The following ZNF69 variants were observed in gnomAD, a reference collection of about 807,000 sequenced individuals.
The protein encoded by ZNF69 is ZNF3.
Under a neutral mutation model 50.9 loss-of-function variants are expected in ZNF69, and 47 were observed. That is an observed-to-expected ratio of 0.92 (90% CI 0.73 to 1.18). The LOEUF (loss-of-function observed/expected upper bound fraction) is 1.18, where lower values mean the gene tolerates loss of function less well. Ranked by LOEUF, ZNF69 falls within the 50% of genes most tolerant of loss-of-function variation. ZNF69 has a pLI of 0.00. For missense variants in ZNF69, 717 were observed against 675.1 expected, an observed-to-expected ratio of 1.06 and a Z score of -0.69; for synonymous variants, 216 against 223.1, an observed-to-expected ratio of 0.97 and a Z score of 0.29.
At chr19:11,924,195 G>A in the ZNF69 span, among the ~76,000 whole-genome samples, 4 of 152,128 alleles carry the variant, frequency 2.6e-5, no homozygotes, top group African/African-American at 7.2e-5. Flanking sequence ...CACTTTGCGG[G>A]GCCGAGGCGG....
chr19:11,962,185 G>A, the ZNF69 span, among the ~76,000 whole-genome samples: 4 of 152,052 alleles, frequency 2.6e-5, no homozygotes, highest in Non-Finnish European at 5.9e-5. Context: ...GGGAGGCTGA[G>A]GGGGGTGGAT....
chr19:11,969,144 G>A, the ZNF69 span, among the ~76,000 whole-genome samples: 5 of 152,122 alleles, frequency 3.3e-5, no homozygotes, highest in Admixed American at 2.6e-4. Context: ...TCACTCTGTC[G>A]GCTAGGCTGG....
the ZNF69 span, chr19:11,949,715 A>G: frequency 1.5e-5 from 24 of 1,613,938 alleles, no homozygotes; most frequent in Admixed American, 6.7e-5. Flanking sequence ...GAGAAACCCT[A>G]TGAGTGTAAG....
the ZNF69 span, among the ~76,000 whole-genome samples, chr19:11,972,846 C>T: frequency 4.6e-5 from 7 of 151,880 alleles, no homozygotes; most frequent in Non-Finnish European, 7.4e-5. Flanking sequence ...AATCCTACCA[C>T]TTAGGGAGGC....
chr19:11,946,882 C>A, the ZNF69 span: 1 of 341,994 alleles, frequency 2.9e-6, no homozygotes, highest in Non-Finnish European at 5.0e-6. Context: ...TGCCTATAAT[C>A]CCAGCTACTC....
the ZNF69 span, chr19:11,950,568 T>C: frequency 1.8e-6 from 1 of 549,686 alleles, no homozygotes; most frequent in Non-Finnish European, 3.4e-6. Flanking sequence ...CAGATGTGCC[T>C]CGCACCTTCA....
intron 1 of ZNF69, among the ~76,000 whole-genome samples, chr19:11,888,401 A>C (rs1976999895): frequency 6.6e-6 from 1 of 152,184 alleles, no homozygotes. Context: ...GTTAACAAAG[A>C]GTTCATTTGA....
intron 1 of ZNF69, among the ~76,000 whole-genome samples, chr19:11,902,926 A>C (rs902439188): frequency 6.6e-6 from 1 of 152,110 alleles, no homozygotes; most frequent in African/African-American, 2.4e-5. Context: ...CGGTAAATAC[A>C]TTTCCTATCC....
chr19:11,969,374 G>A, the ZNF69 span, among the ~76,000 whole-genome samples: 1 of 152,158 alleles, frequency 6.6e-6, no homozygotes, highest in Non-Finnish European at 1.5e-5. Context: ...CAAAGTGGTG[G>A]GATTACAGGT....
chr19:11,945,487 G>C, the ZNF69 span, among the ~76,000 whole-genome samples: 1 of 152,162 alleles, frequency 6.6e-6, no homozygotes, highest in Non-Finnish European at 1.5e-5. Context: ...TAATTCCAAA[G>C]GCTCTCAAGT....
intron 1 of ZNF69, among the ~76,000 whole-genome samples, chr19:11,899,724 G>T (rs1972203031): frequency 6.6e-6 from 1 of 152,238 alleles, no homozygotes; most frequent in African/African-American, 2.4e-5. Context: ...CTTTTGTGTG[G>T]ACATCAGTTT....
At chr19:11,888,651 A>T (rs1389704277) in intron 1 of ZNF69, among the ~76,000 whole-genome samples, 1 of 152,114 alleles carries the variant, frequency 6.6e-6, no homozygotes, top group Non-Finnish European at 1.5e-5. Flanking sequence ...AGTGCCTGGA[A>T]GGTGTAATTT....
chr19:11,926,252 A>C, the ZNF69 span, among the ~76,000 whole-genome samples: 6 of 152,048 alleles, frequency 3.9e-5, no homozygotes, highest in African/African-American at 1.4e-4. Context: ...TTTCCATTCT[A>C]TCTATTTTTA....
At chr19:11,942,152 T>G in the ZNF69 span, among the ~76,000 whole-genome samples, 1 of 151,216 alleles carries the variant, frequency 6.6e-6, no homozygotes, top group Non-Finnish European at 1.5e-5. Flanking sequence ...GGATGTTTCT[T>G]TCTACTTAGG....
At chr19:11,973,480 G>A in the ZNF69 span, among the ~76,000 whole-genome samples, 1 of 152,144 alleles carries the variant, frequency 6.6e-6, no homozygotes, top group Non-Finnish European at 1.5e-5. Context: ...TTCCCAGAGT[G>A]CTGGGATTCC....
intron 1 of ZNF69, among the ~76,000 whole-genome samples, chr19:11,902,984 T>C (rs1205195261): frequency 1.3e-5 from 2 of 152,192 alleles, no homozygotes; most frequent in Admixed American, 6.5e-5. Flanking sequence ...AATTGCTTTA[T>C]GAACTAGCCA....
At chr19:11,962,554 T>C in the ZNF69 span, among the ~76,000 whole-genome samples, 1 of 151,788 alleles carries the variant, frequency 6.6e-6, no homozygotes, top group Non-Finnish European at 1.5e-5. Flanking sequence ...ACATATGGAG[T>C]CTCACTATAT....
In ZNF69 at chr19:11,905,997, T is replaced by G; in HGVS notation, c.1600T>G (p.Tyr534Asp). Residue 534 changes from tyrosine (Y) to aspartate (D), a missense_variant, in exon 4 of 4, where the codon TAT becomes GAT. Coordinates refer to ENST00000429654, the MANE Select transcript of ZNF69 (RefSeq NM_001364730.1). ...HERTHTGEKPYKCKQCGKAFR... is the reference protein window; with the variant it reads ...HERTHTGEKPDKCKQCGKAFR... The stretch of plus-strand genomic sequence containing the variant: ...AAGGACTCACACTGGAGAGAAACCC[T>G]ATAAATGCAAGCAATGTGGGAAAGC... The G allele has an allele frequency of 2.5e-6, 4 of 1,614,090 alleles. No individual in the cohort carries two copies. Among genetic ancestry groups the G allele is most frequent in the Non-Finnish European group, 3.4e-6 (4 of 1,180,012 alleles).
the ZNF69 span, chr19:11,978,663 GA>G: frequency 6.2e-7 from 1 of 1,614,024 alleles, no homozygotes; most frequent in Non-Finnish European, 8.5e-7. Context: ...TCGAATACAT[GA>G]AAGAACTCAC....
Sources: allele counts gnomAD v4.1 joint callset (sites outside exome capture counted in the v4.1 genomes callset), GRCh38; gene constraint gnomAD v4.1.1; transcripts MANE v1.5; gene names NCBI Gene and HGNC (gene_info 2026-07-23, HGNC 2026-07-21).